Variants in PPARGC1A observed in about 807,000 individuals in gnomAD.
PPARGC1A encodes PPARG coactivator 1 alpha.
Under a neutral mutation model 88.7 loss-of-function variants are expected in PPARGC1A, and 25 were observed. That is an observed-to-expected ratio of 0.28 (90% CI 0.21 to 0.39). PPARGC1A has a LOEUF of 0.39. Among genes scored for constraint, PPARGC1A ranks in the 10% least tolerant of loss-of-function variants. The pLI is 1.00. For synonymous variants in PPARGC1A, 363 were observed against 355.6 expected (o/e 1.02, Z -0.24); for missense variants, 880 against 968.7 (o/e 0.91, Z 1.22).
chr4:24,376,966 A>C, the PPARGC1A span, among the ~76,000 whole-genome samples: 1 of 152,198 alleles, frequency 6.6e-6, no homozygotes, highest in African/African-American at 2.4e-5. Flanking sequence ...CAAATGGCCT[A>C]ACCTTTTAGC....
chr4:24,407,353 C>A, the PPARGC1A span, among the ~76,000 whole-genome samples: 10 of 152,140 alleles, frequency 6.6e-5, no homozygotes, highest in African/African-American at 2.4e-4. Context: ...TAACATGAAA[C>A]GAGGGCGTCA....
the PPARGC1A span, among the ~76,000 whole-genome samples, chr4:24,401,536 G>T: frequency 9.9e-5 from 15 of 152,220 alleles, no homozygotes; most frequent in Non-Finnish European, 8.8e-5. Context: ...TCAGAGCTGA[G>T]GATGATGGTT....
At chr4:24,167,574 A>G in the PPARGC1A span, among the ~76,000 whole-genome samples, 2 of 152,170 alleles carry the variant, frequency 1.3e-5, no homozygotes, top group African/African-American at 4.8e-5. Context: ...GATGAGGCAA[A>G]CTTCTCTGCT....
the PPARGC1A span, among the ~76,000 whole-genome samples, chr4:24,222,782 C>T: frequency 6.6e-6 from 1 of 152,160 alleles, no homozygotes; most frequent in Non-Finnish European, 1.5e-5. Context: ...AGAACAAACT[C>T]TTGTCTTTGT....
chr4:24,349,291 G>A, the PPARGC1A span, among the ~76,000 whole-genome samples: 6 of 152,274 alleles, frequency 3.9e-5, no homozygotes, highest in South Asian at 1.2e-3. Flanking sequence ...CCAGGAGGTG[G>A]CGCTTTCCAG....
chr4:24,027,979 A>G, the PPARGC1A span, among the ~76,000 whole-genome samples: 1 of 152,198 alleles, frequency 6.6e-6, no homozygotes. Flanking sequence ...ACGCTCTGAA[A>G]TAGGTCATAT....
At chr4:23,950,621 C>T in the PPARGC1A span, among the ~76,000 whole-genome samples, 5 of 152,158 alleles carry the variant, frequency 3.3e-5, no homozygotes, top group South Asian at 2.1e-4. Context: ...CTTTGCTTGC[C>T]ATAAGTTAAC....
intron 10 of PPARGC1A, among the ~76,000 whole-genome samples, chr4:23,810,281 CAA>C (rs1299454948): frequency 6.6e-6 from 1 of 152,134 alleles, no homozygotes; most frequent in Non-Finnish European, 1.5e-5. Flanking sequence ...AAAATTCTCA[CAA>C]ATGTCTAGTT....
chr4:24,045,054 G>C, the PPARGC1A span, among the ~76,000 whole-genome samples: 3 of 152,134 alleles, frequency 2.0e-5, no homozygotes, highest in Admixed American at 6.6e-5. Context: ...GGTGGTACAT[G>C]ATGACTCAGC....
the PPARGC1A span, among the ~76,000 whole-genome samples, chr4:24,452,513 G>A: frequency 7.2e-5 from 11 of 152,078 alleles, no homozygotes; most frequent in African/African-American, 2.7e-4. Flanking sequence ...GGATCCATTC[G>A]CTTCCTTGTT....
the PPARGC1A span, among the ~76,000 whole-genome samples, chr4:24,460,063 T>C: frequency 6.6e-6 from 1 of 152,212 alleles, no homozygotes; most frequent in Non-Finnish European, 1.5e-5. Context: ...CTCAATAGCC[T>C]GAAATGACCT....
At chr4:24,098,613 A>C in the PPARGC1A span, among the ~76,000 whole-genome samples, 1 of 152,236 alleles carries the variant, frequency 6.6e-6, no homozygotes, top group African/African-American at 2.4e-5. Flanking sequence ...ATATCGCTTA[A>C]GTGAGAAATA....
chr4:24,363,847 G>A, the PPARGC1A span, among the ~76,000 whole-genome samples: 3 of 152,090 alleles, frequency 2.0e-5, no homozygotes, highest in Non-Finnish European at 4.4e-5. Flanking sequence ...TAATGTCGAG[G>A]CATATTCAGG....
the PPARGC1A span, among the ~76,000 whole-genome samples, chr4:23,958,177 C>T: frequency 3.9e-5 from 6 of 152,034 alleles, no homozygotes; most frequent in South Asian, 4.1e-4. Flanking sequence ...TGAGTCAATT[C>T]GAAGCACTGG....
At chr4:24,099,313 C>A in the PPARGC1A span, among the ~76,000 whole-genome samples, 7 of 148,590 alleles carry the variant, frequency 4.7e-5, no homozygotes, top group East Asian at 5.8e-4. Flanking sequence ...AAAAAAAGAC[C>A]CCCAGCAGTC....
At chr4:23,927,210 GA>G in the PPARGC1A span, among the ~76,000 whole-genome samples, 1 of 152,170 alleles carries the variant, frequency 6.6e-6, no homozygotes, top group African/African-American at 2.4e-5. Flanking sequence ...TACTGAAAGT[GA>G]AAAACAGATT....
the PPARGC1A span, among the ~76,000 whole-genome samples, chr4:24,043,056 T>A: frequency 6.6e-6 from 1 of 152,178 alleles, no homozygotes; most frequent in Non-Finnish European, 1.5e-5. Context: ...AAGCTACCAA[T>A]TTTGTAGGCA....
At chr4:23,908,650 C>T (rs536652162), upstream of PPARGC1A, among the ~76,000 whole-genome samples, 14 of 152,256 alleles carry the variant, frequency 9.2e-5, no homozygotes, top group African/African-American at 3.1e-4. Flanking sequence ...CTTTATTCTT[C>T]CCTACATGAA....
the PPARGC1A span, among the ~76,000 whole-genome samples, chr4:24,456,896 A>C: frequency 2.0e-5 from 3 of 152,148 alleles, no homozygotes; most frequent in Non-Finnish European, 4.4e-5. Flanking sequence ...GTGGGGATGA[A>C]GTCTTGCAAC....
Sources: allele counts gnomAD v4.1 joint callset (sites outside exome capture counted in the v4.1 genomes callset), GRCh38; gene constraint gnomAD v4.1.1; transcripts MANE v1.5; gene names NCBI Gene and HGNC (gene_info 2026-07-23, HGNC 2026-07-21).